The following IPO7 variants were observed in gnomAD, a reference collection of about 807,000 sequenced individuals.
IPO7 encodes importin 7.
Under a neutral mutation model 136.4 loss-of-function variants are expected in IPO7, and 13 were observed. The ratio of observed to expected loss-of-function variants is 0.10; its 90% CI spans 0.06 to 0.15. The LOEUF is 0.15. Ranked by LOEUF, IPO7 falls within the 10% of genes least tolerant of loss-of-function variation. The pLI is 1.00. For synonymous variants in IPO7, 403 were observed against 404.4 expected (o/e 1.00, Z 0.04); for missense variants, 857 against 1,240.6 (o/e 0.69, Z 4.65).
intron 1 of IPO7, among the ~76,000 whole-genome samples, chr11:9,391,766 T>G (rs968579197): frequency 6.6e-6 from 1 of 152,152 alleles, no homozygotes; most frequent in Non-Finnish European, 1.5e-5. Flanking sequence ...AAAATTATTT[T>G]TATTGTTATT....
At chr11:9,409,773 T>G (rs776270222) in intron 3 of IPO7, among the ~76,000 whole-genome samples, 155 bp from the exon 4 acceptor site, 1 of 152,250 alleles carries the variant, frequency 6.6e-6, no homozygotes, top group African/African-American at 2.4e-5. Context: ...GTTTGCTCAG[T>G]GACTTATTCT....
intron 9 of IPO7, 31 bp downstream of exon 9, chr11:9,423,171 G>A: frequency 7.0e-7 from 1 of 1,426,618 alleles, no homozygotes; most frequent in Middle Eastern, 1.8e-4. Context: ...TGTTTTTATA[G>A]TAAATATAAT....
chr11:9,433,883 C>T (rs1855333508), intron 18 of IPO7, 37 bp downstream of exon 18: 1 of 1,578,286 alleles, frequency 6.3e-7, no homozygotes, highest in Admixed American at 1.8e-5. Context: ...GAGGGTTTTC[C>T]CTGCTTTGAT....
At position 9,388,621 on chromosome 11, in the gene IPO7, G is replaced by A. The variant is rs149291379; in HGVS notation, c.84+3774G>A. On this transcript the variant is annotated intron_variant, in intron 1 of 24. Transcript: ENST00000379719. ...AGCCTCCCAGGTAGCTGAGACTACG[G>A]GGATGTGCCACTATGCCCAATTAAT... Among the ~76,000 whole-genome samples the A allele has an allele frequency of 1.8e-4, 28 of 151,970 alleles. No homozygotes were observed. The East Asian group carries it at 4.6e-3, about 25-fold the overall frequency.
intron 1 of IPO7, among the ~76,000 whole-genome samples, chr11:9,397,215 C>T (rs1366153523): frequency 6.7e-6 from 1 of 149,458 alleles, no homozygotes; most frequent in African/African-American, 2.5e-5. Context: ...GAACTGCAAA[C>T]GCATGCTTCC....
chr11:9,436,842 TTATATATATATATATATATATA>T (rs1370673296), intron 20 of IPO7, among the ~76,000 whole-genome samples: 1 of 24,458 alleles, frequency 4.1e-5, no homozygotes, highest in Non-Finnish European at 6.8e-5. Flanking sequence ...CCGCCTGATT[TTATATATATATATATATATATA>T]TATATTTTTT....
At chr11:9,387,955 C>T (rs374213128) in intron 1 of IPO7, among the ~76,000 whole-genome samples, 2 of 150,022 alleles carry the variant, frequency 1.3e-5, no homozygotes, top group East Asian at 4.0e-4. Flanking sequence ...CGAGACCAGC[C>T]TGACCAACAT....
chr11:9,425,857 C>T (rs113251511), intron 12 of IPO7, among the ~76,000 whole-genome samples: 48 of 142,430 alleles, frequency 3.4e-4, no homozygotes, highest in African/African-American at 1.2e-3. Flanking sequence ...CCAGCCTGGG[C>T]GACAGAGTGA....
chr11:9,428,694 A>G lies in IPO7; in HGVS notation c.1425+65A>G. ...GTAATGAATGACTCTGTGGACTTTT[A>G]TATTGAAACTTTTAAATGTTCACTT... is the stretch of plus-strand genomic sequence containing the variant. On this transcript the variant is annotated intron_variant, in intron 13 of 24. Coordinates refer to ENST00000379719, the MANE Select transcript of IPO7 (RefSeq NM_006391.3). 13 of 895,798 alleles carry G rather than the reference A, an allele frequency of 1.5e-5. 1 individual carries two copies. The South Asian group carries it at 1.6e-4, about 11-fold the overall frequency. The allele number at this position is 895,798 out of a possible 1,614,324, so 55.5% of individuals were successfully genotyped here. A position where few individuals can be genotyped will look rare whatever the true frequency, so the allele number is the denominator to read the frequency against.
intron 4 of IPO7, among the ~76,000 whole-genome samples, chr11:9,413,786 G>A (rs997077607): frequency 1.3e-5 from 2 of 151,654 alleles, no homozygotes; most frequent in Non-Finnish European, 2.9e-5. Context: ...TTCTAAATTG[G>A]TTAGGAAGTA....
At chr11:9,437,269 T>A (rs1855389810) in intron 20 of IPO7, among the ~76,000 whole-genome samples, 1 of 151,456 alleles carries the variant, frequency 6.6e-6, no homozygotes, top group Admixed American at 6.6e-5. Context: ...ATTTCATATA[T>A]TTTTTTGAGA....
intron 2 of IPO7, among the ~76,000 whole-genome samples, chr11:9,408,187 C>T (rs1156759236): frequency 3.3e-5 from 5 of 151,850 alleles, no homozygotes. Flanking sequence ...TTTAACTCTC[C>T]TGTAGAAAAC....
chr11:9,416,987 T>C (rs1855050436), intron 5 of IPO7, 72 bp from the exon 6 acceptor site: 2 of 707,362 alleles, frequency 2.8e-6, no homozygotes, highest in Admixed American at 2.3e-5. Flanking sequence ...TGGTAGGTAT[T>C]GTGAAGAGTA....
In IPO7 at chr11:9,429,938, T is replaced by A. The variant is rs537816945; in HGVS notation, c.1752+104T>A. 4.1e-6 allele frequency: 3 copies of A among 728,538 alleles called. No individual in the cohort carries two copies. In the Admixed American group the frequency reaches 9.9e-5, roughly 24 times the overall value. 45.1% of individuals were successfully genotyped at this position (728,538 alleles called of 1,614,324 possible). On this transcript the variant is annotated intron_variant, in intron 15 of 24. Transcript: ENST00000379719. ...TTGCCTTACCTTATAGCAGTCAACC[T>A]TTTTGGCACCTGGGATCGGTTTCAT...
At chr11:9,429,409 G>A (rs1026566064) in intron 14 of IPO7, among the ~76,000 whole-genome samples, 32 of 152,012 alleles carry the variant, frequency 2.1e-4, no homozygotes, top group Admixed American at 1.7e-3. Context: ...GGGAGTCTGA[G>A]GCAGCAGGAT....
chr11:9,423,922 A>G (rs1286614757), intron 10 of IPO7, 46 bp downstream of exon 10: 4 of 1,152,400 alleles, frequency 3.5e-6, no homozygotes, highest in African/African-American at 1.5e-5. Flanking sequence ...TCAGTAATTA[A>G]GATTACAGTG....
intron 18 of IPO7, among the ~76,000 whole-genome samples, chr11:9,434,667 C>T (rs968125103): frequency 6.6e-6 from 1 of 152,082 alleles, no homozygotes; most frequent in African/African-American, 2.4e-5. Flanking sequence ...GTGGCGTGTG[C>T]CTATAGTCCC....
intron 1 of IPO7, among the ~76,000 whole-genome samples, chr11:9,391,294 G>C (rs1164446510): frequency 6.6e-6 from 1 of 152,070 alleles, no homozygotes; most frequent in Admixed American, 6.6e-5. Context: ...AGCTACTTGG[G>C]AGACTGAGGC....
Position 9,436,241 on chromosome 11 carries a change from T to A in IPO7, c.2173-30T>A, listed in dbSNP as rs780677573. The A allele has an allele frequency of 4.1e-6, 6 of 1,478,022 alleles. No homozygotes were observed. In the Admixed American group the frequency reaches 1.0e-4, roughly 25 times the overall value. 91.6% of individuals were successfully genotyped at this position (1,478,022 alleles called of 1,614,324 possible). The stretch of plus-strand genomic sequence containing the variant: ...GATACCTGATTTAAAGGATAAAGCC[T>A]TACTGCAATTTATATTCTGTTTTGA... On this transcript the variant is annotated intron_variant, in intron 19 of 24. Coordinates refer to ENST00000379719, the MANE Select transcript of IPO7 (RefSeq NM_006391.3).
Sources: allele counts gnomAD v4.1 joint callset (sites outside exome capture counted in the v4.1 genomes callset), GRCh38; gene constraint gnomAD v4.1.1; transcripts MANE v1.5; gene names NCBI Gene and HGNC (gene_info 2026-07-23, HGNC 2026-07-21).